OPCML: variants seen among roughly 807,000 people sequenced by gnomAD.
OPCML encodes opioid-binding protein/cell adhesion molecule.
A neutral mutation model predicts 37.8 loss-of-function variants in OPCML; 13 were observed. That is an observed-to-expected ratio of 0.34 (90% CI 0.22 to 0.55). The LOEUF (loss-of-function observed/expected upper bound fraction) is 0.55. OPCML is among the 20% of genes least tolerant of loss of function. The probability of loss-of-function intolerance (pLI) is 0.91; values close to 1 mark genes in which losing one functional copy is unlikely to be tolerated. For synonymous variants in OPCML, 176 were observed against 168.8 expected, an observed-to-expected ratio of 1.04 and a Z score of -0.33; for missense variants, 341 against 435.6, an observed-to-expected ratio of 0.78 and a Z score of 1.93.
At chr11:132,750,651 T>C (rs3018403) in intron 2 of OPCML, among the ~76,000 whole-genome samples, 95,614 of 152,072 alleles carry the variant, frequency 0.63, 30,728 homozygotes, top group East Asian at 0.96. Context: ...TGTCTAGCAA[T>C]GGATTTGAAT....
intron 2 of OPCML, among the ~76,000 whole-genome samples, chr11:132,797,532 C>T (rs1021874669): frequency 5.9e-5 from 9 of 152,182 alleles, no homozygotes; most frequent in East Asian, 1.9e-4. Context: ...CACTATAAAG[C>T]GAGTCATATA....
chr11:133,301,899 C>A (rs1942789335), intron 1 of OPCML: 1 of 152,076 alleles, frequency 6.6e-6, no homozygotes, highest in African/African-American at 2.4e-5. Context: ...ACTCAAATTA[C>A]AAATACCCAT....
intron 2 of OPCML, among the ~76,000 whole-genome samples, chr11:132,678,575 C>T (rs984777846): frequency 6.6e-6 from 1 of 152,046 alleles, no homozygotes; most frequent in Non-Finnish European, 1.5e-5. Flanking sequence ...AGAAATGAGC[C>T]ACAAAAAGAC....
At chr11:132,967,633 A>G (rs1314991271) in intron 1 of OPCML, among the ~76,000 whole-genome samples, 1 of 152,188 alleles carries the variant, frequency 6.6e-6, no homozygotes, top group Non-Finnish European at 1.5e-5. Flanking sequence ...AATTATGTAC[A>G]CATTGCTTTC....
chr11:132,823,077 G>T (rs967643965), intron 2 of OPCML, among the ~76,000 whole-genome samples: 4 of 152,146 alleles, frequency 2.6e-5, no homozygotes, highest in Non-Finnish European at 4.4e-5. Flanking sequence ...TATATTGCAT[G>T]CCAATTATCT....
intron 2 of OPCML, among the ~76,000 whole-genome samples, chr11:132,797,873 G>A (rs1938421667): frequency 6.6e-6 from 1 of 152,132 alleles, no homozygotes; most frequent in Admixed American, 6.5e-5. Context: ...GGTGGTGGTT[G>A]CTGAAGGTTG....
intron 1 of OPCML, among the ~76,000 whole-genome samples, chr11:132,969,799 T>C (rs1028288875): frequency 6.6e-6 from 1 of 152,252 alleles, no homozygotes; most frequent in Non-Finnish European, 1.5e-5. Context: ...TATTCTCTAA[T>C]TGATAAAGCA....
At chr11:133,237,424 G>C (rs1216554362) in intron 1 of OPCML, among the ~76,000 whole-genome samples, 1 of 152,156 alleles carries the variant, frequency 6.6e-6, no homozygotes. Flanking sequence ...AGTGCAGTGA[G>C]GTATTACCAG....
At chr11:132,929,624 C>T (rs1244020247) in intron 2 of OPCML, among the ~76,000 whole-genome samples, 1 of 152,164 alleles carries the variant, frequency 6.6e-6, no homozygotes, top group East Asian at 1.9e-4. Context: ...AAAACCAATA[C>T]TAGTCTAATG....
At chr11:133,060,325 A>G (rs1214540686) in intron 1 of OPCML, among the ~76,000 whole-genome samples, 1 of 152,082 alleles carries the variant, frequency 6.6e-6, no homozygotes, top group Non-Finnish European at 1.5e-5. Flanking sequence ...GTTAGAAGGG[A>G]ATGATTCCTT....
intron 1 of OPCML, among the ~76,000 whole-genome samples, chr11:133,517,344 A>C (rs1191099506): frequency 6.6e-6 from 1 of 152,260 alleles, no homozygotes; most frequent in African/African-American, 2.4e-5. Flanking sequence ...TTGCATGTGC[A>C]TGCCTAAAAT....
intron 2 of OPCML, among the ~76,000 whole-genome samples, chr11:132,719,281 T>C (rs1232895211): frequency 6.6e-6 from 1 of 152,192 alleles, no homozygotes; most frequent in Non-Finnish European, 1.5e-5. Flanking sequence ...GCACATCCTG[T>C]GTGGTAAATG....
intron 3 of OPCML, among the ~76,000 whole-genome samples, chr11:132,591,673 C>G (rs1475396103): frequency 6.6e-6 from 1 of 152,198 alleles, no homozygotes; most frequent in African/African-American, 2.4e-5. Flanking sequence ...AGTGAGGATT[C>G]TGCCTCCACA....
chr11:132,954,966 A>G (rs1802607228), intron 1 of OPCML, among the ~76,000 whole-genome samples: 1 of 152,200 alleles, frequency 6.6e-6, no homozygotes, highest in African/African-American at 2.4e-5. Context: ...TCAGGCTAGC[A>G]GAGGATGGAC....
At chr11:132,978,092 C>T (rs138143559) in intron 1 of OPCML, among the ~76,000 whole-genome samples, 330 of 152,150 alleles carry the variant, frequency 2.2e-3, no homozygotes, top group African/African-American at 7.7e-3. Flanking sequence ...AAATAAATAC[C>T]GGATGCCGGC....
intron 4 of OPCML, among the ~76,000 whole-genome samples, chr11:132,468,310 C>T (rs940659169): frequency 6.6e-6 from 1 of 152,182 alleles, no homozygotes; most frequent in African/African-American, 2.4e-5. Flanking sequence ...TAAAAGCATG[C>T]ACACTTTCTA....
chr11:132,685,866 C>A (rs1943142992), intron 2 of OPCML, among the ~76,000 whole-genome samples: 1 of 152,168 alleles, frequency 6.6e-6, no homozygotes, highest in Admixed American at 6.5e-5. Context: ...CAATGTAAAT[C>A]ACTAAATTAG....
intron 1 of OPCML, among the ~76,000 whole-genome samples, chr11:133,483,823 A>AGATAGATT (rs1163541871): frequency 6.7e-6 from 1 of 148,204 alleles, no homozygotes; most frequent in Non-Finnish European, 1.5e-5. Context: ...ATAGATAGAT[A>AGATAGATT]GATAGGATGG....
At chr11:132,675,503 C>G (rs987202922) in intron 2 of OPCML, among the ~76,000 whole-genome samples, 1 of 151,968 alleles carries the variant, frequency 6.6e-6, no homozygotes, top group Admixed American at 6.6e-5. Context: ...AAATATGTCT[C>G]TGCGAATGAA....
Sources: allele counts gnomAD v4.1 joint callset (sites outside exome capture counted in the v4.1 genomes callset), GRCh38; gene constraint gnomAD v4.1.1; transcripts MANE v1.5; gene names NCBI Gene and HGNC (gene_info 2026-07-23, HGNC 2026-07-21).